RIN3: variants seen among roughly 807,000 people sequenced by gnomAD.
RIN3 encodes the protein Ras and Rab interactor 3.
Under a neutral mutation model 76.3 loss-of-function variants are expected in RIN3, and 54 were observed. The observed-to-expected ratio is 0.71, with a 90% CI of 0.57 to 0.89. RIN3 has a LOEUF of 0.89. Among genes scored for constraint, RIN3 ranks in the 40% least tolerant of loss-of-function variants. The pLI, the probability that RIN3 is intolerant of heterozygous loss-of-function variation, is 0.00. For synonymous variants in RIN3, 576 were observed against 564.0 expected (o/e 1.02, Z -0.30); for missense variants, 1,256 against 1,322.1 (o/e 0.95, Z 0.78).
chr14:92,675,449 C>T (rs562853282), intron 7 of RIN3, among the ~76,000 whole-genome samples: 22 of 152,356 alleles, frequency 1.4e-4, no homozygotes, highest in Admixed American at 9.2e-4. Context: ...ACCCAAAACA[C>T]AAAGGTAGCA....
At chr14:92,610,060 C>G (rs559419679) in intron 3 of RIN3, among the ~76,000 whole-genome samples, 34 of 152,122 alleles carry the variant, frequency 2.2e-4, no homozygotes, top group African/African-American at 8.0e-4. Context: ...AAATATCATA[C>G]AATTCAGCAA....
chr14:92,688,073 G>A lies in RIN3; in HGVS notation c.2779G>A (p.Val927Met). ...RPQAHRLFVLVDGRCFQLADD... is the reference protein window; with the variant it reads ...RPQAHRLFVLMDGRCFQLADD... ...GCAGGCGCACCGGCTGTTCGTGCTG[G>A]TGGACGGGCGCTGCTTCCAGCTGGC... Residue 927 changes from valine to methionine, a missense_variant, in exon 10 of 10, where the codon GTG becomes ATG. Coordinates refer to ENST00000216487, the MANE Select transcript of RIN3 (RefSeq NM_024832.5). The A allele has an allele frequency of 1.9e-6, 3 of 1,605,750 alleles. No individual in the cohort carries two copies. Among genetic ancestry groups the A allele is most frequent in the Middle Eastern group, 1.7e-4 (1 of 6,028 alleles).
Position 92,664,405 on chromosome 14 carries a change from T to C in RIN3, c.2335+4936T>C, listed in dbSNP as rs541062913. ...TTTTTTGAGATGGAGTCTCACTCTG[T>C]CGCCCAGGCTGGAGTGCAGTGGCGC... On this transcript the variant is annotated intron_variant, in intron 7 of 9. Transcript: ENST00000216487. Among the ~76,000 whole-genome samples the C allele has an allele frequency of 3.6e-5, 5 of 138,222 alleles. No homozygotes were observed. The South Asian group carries it at 1.2e-3, about 34-fold the overall frequency. 90.7% of individuals were successfully genotyped at this position (138,222 alleles called of 152,430 possible).
rs1341278547 is a variant in RIN3, at chr14:92,659,363, G to T, written c.2229G>T (p.Leu743=). 6.2e-7 allele frequency: 1 copy of T among 1,612,942 alleles called. No individual in the cohort carries two copies. The highest frequency in any genetic ancestry group is 1.1e-5 in the South Asian group (1 of 90,956). Residue 743 remains leucine, a synonymous_variant, in exon 7 of 10, where the codon CTG becomes CTT. Coordinates refer to ENST00000216487, the MANE Select transcript of RIN3 (RefSeq NM_024832.5). ...VPEVPMMEKI[L]QKFTSMHKAY... is the part of the protein sequence containing the mutation. ...AGGTGCCCATGATGGAGAAGATCCT[G>T]CAGAAGTTCACCAGCATGCACAAGG...
chr14:92,608,093 G>A (rs1489161546), intron 3 of RIN3, among the ~76,000 whole-genome samples: 1 of 152,186 alleles, frequency 6.6e-6, no homozygotes, highest in Non-Finnish European at 1.5e-5. Context: ...CTTGATTGTG[G>A]TGACTGTGCG....
chr14:92,597,516 G>A (rs796308448), intron 3 of RIN3, among the ~76,000 whole-genome samples: 1 of 152,208 alleles, frequency 6.6e-6, no homozygotes. Context: ...TTTGAAACCT[G>A]CTTTTTCACT....
chr14:92,633,773 A>G (rs1225849512), intron 4 of RIN3, among the ~76,000 whole-genome samples: 1 of 152,058 alleles, frequency 6.6e-6, no homozygotes, highest in Non-Finnish European at 1.5e-5. Flanking sequence ...TTTTCTTTTT[A>G]ATGAAAAAGT....
chr14:92,679,187 G>C (rs995723249), intron 8 of RIN3, among the ~76,000 whole-genome samples: 3 of 152,260 alleles, frequency 2.0e-5, no homozygotes, highest in African/African-American at 7.2e-5. Flanking sequence ...GACCAAGGCT[G>C]CCTGCATCCA....
At position 92,648,724 on chromosome 14, in the gene RIN3, A is replaced by G. The variant is rs552381780; in HGVS notation, c.533-2858A>G. On this transcript the variant is annotated intron_variant, in intron 5 of 9. Coordinates refer to ENST00000216487, the MANE Select transcript of RIN3 (RefSeq NM_024832.5). The surrounding 1 kb of genome is among the most constrained non-coding windows in gnomAD (Gnocchi z 4.1). ...TTCTGGAAACTCTGAGTCTGGTGGG[A>G]AAGTCAGGCAAAAAACAGAGAATTA... Among the ~76,000 whole-genome samples, 1 of 152,322 alleles carries G rather than the reference A, an allele frequency of 6.6e-6. No homozygotes were observed. The highest frequency in any genetic ancestry group is 6.5e-5 in the Admixed American group (1 of 15,300).
chr14:92,600,645 C>T (rs1885309298), intron 3 of RIN3, among the ~76,000 whole-genome samples: 2 of 152,174 alleles, frequency 1.3e-5, no homozygotes. Flanking sequence ...TTCGGGTACC[C>T]ACTGTGTGCC....
chr14:92,610,825 C>T (rs1308646968), intron 3 of RIN3, among the ~76,000 whole-genome samples: 1 of 152,118 alleles, frequency 6.6e-6, no homozygotes, highest in Non-Finnish European at 1.5e-5. Flanking sequence ...GGAAATGAGA[C>T]CCAGTGGGTC....
At position 92,685,030 on chromosome 14, in the gene RIN3, C is replaced by T. The variant is rs147894566; in HGVS notation, c.2511C>T (p.Ile837=). 1.2e-6 allele frequency: 2 copies of T among 1,614,100 alleles called. No individual in the cohort carries two copies. Among genetic ancestry groups the T allele is most frequent in the Non-Finnish European group, 1.7e-6 (2 of 1,179,992 alleles). ...LTTTYGALEH[I]KSYDKITVTR... is the part of the protein sequence containing the mutation. ...CCACCTACGGGGCCCTGGAGCACAT[C>T]AAGAGCTACGACAAGATCACGGTGA... is the stretch of plus-strand genomic sequence containing the variant. Residue 837 remains isoleucine (I), a synonymous_variant, in exon 9 of 10, where the codon ATC becomes ATT. Coordinates refer to ENST00000216487, the MANE Select transcript of RIN3 (RefSeq NM_024832.5). The surrounding 1 kb of genome is among the most constrained non-coding windows in gnomAD (Gnocchi z 4.7).
rs975374748 is a variant in RIN3, at chr14:92,577,557, A to G, written c.367+80A>G. ...GAGAGGCTGCACCTTCTAACCACAG[A>G]CTCCCCTGTATGCACTGATGGTGTT... On this transcript the variant is annotated intron_variant, in intron 3 of 9. Transcript: ENST00000216487. 4 of 835,338 alleles carry G rather than the reference A, an allele frequency of 4.8e-6. No homozygotes were observed. In the African/African-American group the frequency reaches 5.0e-5, roughly 11 times the overall value. 51.7% of individuals were successfully genotyped at this position (835,338 alleles called of 1,614,324 possible).
At chr14:92,553,687 G>A (rs994327551) in intron 1 of RIN3, among the ~76,000 whole-genome samples, 1 of 152,046 alleles carries the variant, frequency 6.6e-6, no homozygotes, top group Non-Finnish European at 1.5e-5. Context: ...CACAACATTC[G>A]TGAGAGTCAG....
intron 7 of RIN3, among the ~76,000 whole-genome samples, chr14:92,670,498 G>A (rs949481577): frequency 2.0e-5 from 3 of 152,174 alleles, no homozygotes; most frequent in Non-Finnish European, 4.4e-5. Flanking sequence ...GGGGTTCCAG[G>A]CTGCTCAGGA....
chr14:92,516,847 G>A (rs546069648), intron 1 of RIN3, among the ~76,000 whole-genome samples: 38 of 152,288 alleles, frequency 2.5e-4, no homozygotes, highest in African/African-American at 4.8e-4. Flanking sequence ...CAGGGCACCC[G>A]CATTTTAACC....
chr14:92,580,326 A>G (rs1182189978), intron 3 of RIN3, among the ~76,000 whole-genome samples: 1 of 152,236 alleles, frequency 6.6e-6, no homozygotes, highest in Non-Finnish European at 1.5e-5. Flanking sequence ...AGATTGCACC[A>G]CTGCACTCCA....
At chr14:92,564,586 A>G (rs778787352) in intron 2 of RIN3, among the ~76,000 whole-genome samples, 2 of 152,196 alleles carry the variant, frequency 1.3e-5, no homozygotes, top group African/African-American at 2.4e-5. Context: ...GAGCAAACCA[A>G]TGTCAGAACT....
intron 5 of RIN3, among the ~76,000 whole-genome samples, chr14:92,645,671 A>G (rs1301478262): frequency 1.3e-5 from 2 of 152,210 alleles, no homozygotes; most frequent in Admixed American, 6.5e-5. Flanking sequence ...AAAATGCCCT[A>G]AAGGCCGGGC....
Sources: gnomAD v4.1 joint callset for allele counts (sites outside exome capture counted in the v4.1 genomes callset) on GRCh38, gnomAD v4.1.1 for gene constraint, Gnocchi (gnomAD v3.1) non-coding constraint, MANE v1.5 for transcripts, NCBI Gene and HGNC (gene_info 2026-07-23, HGNC 2026-07-21) for gene names.